The following NOS1AP variants were observed in gnomAD, a reference collection of about 807,000 sequenced individuals.
NOS1AP encodes the protein nitric oxide synthase 1 adaptor protein.
A neutral mutation model predicts 56.2 loss-of-function variants in NOS1AP; 21 were observed. The observed-to-expected ratio is 0.37, with a 90% confidence interval of 0.26 to 0.54. The LOEUF (loss-of-function observed/expected upper bound fraction) is 0.54, where lower values mean the gene tolerates loss of function less well. Ranked by LOEUF, NOS1AP falls within the 20% of genes least tolerant of loss-of-function variation. The pLI, the probability that NOS1AP is intolerant of heterozygous loss-of-function variation, is 0.84. For synonymous variants in NOS1AP, 270 were observed against 274.6 expected, an observed-to-expected ratio of 0.98 and a Z score of 0.17; for missense variants, 522 against 657.8, an observed-to-expected ratio of 0.79 and a Z score of 2.26.
intron 3 of NOS1AP, among the ~76,000 whole-genome samples, chr1:162,287,971 G>A (rs1440572238): frequency 6.6e-6 from 1 of 151,936 alleles, no homozygotes; most frequent in Admixed American, 6.6e-5. Context: ...GTGCAGGGAT[G>A]GTGGGGTGTG....
intron 2 of NOS1AP, among the ~76,000 whole-genome samples, chr1:162,183,204 G>A (rs1386918794): frequency 1.3e-5 from 2 of 152,192 alleles, no homozygotes; most frequent in Non-Finnish European, 2.9e-5. Flanking sequence ...GGGTAACCAG[G>A]TGCATTGTTA....
intron 2 of NOS1AP, among the ~76,000 whole-genome samples, chr1:162,155,225 CATAT>C (rs1210180504): frequency 8.9e-5 from 6 of 67,758 alleles, no homozygotes; most frequent in Admixed American, 2.3e-4. Flanking sequence ...AGCCTTTATA[CATAT>C]ATATATACAT....
chr1:162,330,094 C>G (rs1656716735), intron 4 of NOS1AP, among the ~76,000 whole-genome samples: 1 of 152,218 alleles, frequency 6.6e-6, no homozygotes, highest in Non-Finnish European at 1.5e-5. Flanking sequence ...TTCAAATCTG[C>G]TGTATCAGTT....
chr1:162,240,856 A>G (rs1653468826), intron 2 of NOS1AP, among the ~76,000 whole-genome samples: 1 of 152,250 alleles, frequency 6.6e-6, no homozygotes, highest in African/African-American at 2.4e-5. Flanking sequence ...CAGAGTTCAC[A>G]GTCTGATGGC....
chr1:162,239,756 G>A (rs1409120244), intron 2 of NOS1AP, among the ~76,000 whole-genome samples: 1 of 152,204 alleles, frequency 6.6e-6, no homozygotes, highest in Non-Finnish European at 1.5e-5. Flanking sequence ...GAGTGGGAGA[G>A]AACCCCAGTA....
intron 2 of NOS1AP, among the ~76,000 whole-genome samples, chr1:162,219,858 A>G (rs562215723): frequency 2.9e-4 from 44 of 152,366 alleles, no homozygotes; most frequent in Middle Eastern, 3.4e-3. Context: ...AGCAGCTTGT[A>G]TCTGCTTGTA....
chr1:162,344,017 T>G (rs1002854063), intron 6 of NOS1AP, 41 bp downstream of exon 6: 1 of 1,611,266 alleles, frequency 6.2e-7, no homozygotes, highest in Non-Finnish European at 8.5e-7. Flanking sequence ...GGGAAGGCAG[T>G]GCACACAGTA....
chr1:162,241,566 T>C (rs1653489030), intron 2 of NOS1AP, among the ~76,000 whole-genome samples: 1 of 152,130 alleles, frequency 6.6e-6, no homozygotes, highest in Non-Finnish European at 1.5e-5. Flanking sequence ...GTAGATACTA[T>C]TATTATCCTC....
At chr1:162,266,825 C>T (rs1411119474) in intron 2 of NOS1AP, among the ~76,000 whole-genome samples, 1 of 152,168 alleles carries the variant, frequency 6.6e-6, no homozygotes, top group East Asian at 1.9e-4. Context: ...GTGCTTTTCT[C>T]CCAAGGGGAT....
intron 2 of NOS1AP, among the ~76,000 whole-genome samples, chr1:162,169,515 C>T (rs972302058): frequency 9.9e-5 from 15 of 152,170 alleles, no homozygotes; most frequent in African/African-American, 3.4e-4. Flanking sequence ...GCTGGGCACT[C>T]AGACAGCTGC....
chr1:162,230,774 A>G lies in NOS1AP; in HGVS notation c.178-56570A>G, dbSNP rs1007533796. Among the ~76,000 whole-genome samples the G allele has an allele frequency of 4.6e-5, 7 of 152,266 alleles. No individual in the cohort carries two copies. The East Asian group carries it at 1.2e-3, about 25-fold the overall frequency. On this transcript the variant is annotated intron_variant, in intron 2 of 9. Coordinates refer to ENST00000361897, the MANE Select transcript of NOS1AP (RefSeq NM_014697.3). ...TGTTTTTTTGTAATGGGCTTATTTC[A>G]CTTAGCATAATGTCCTCAAGGTTCA...
chr1:162,090,508 T>G (rs1013296881), intron 1 of NOS1AP, among the ~76,000 whole-genome samples: 2 of 152,140 alleles, frequency 1.3e-5, no homozygotes, highest in Admixed American at 6.5e-5. Context: ...CAGACTACTG[T>G]TTTTAGAATT....
chr1:162,144,168 G>A (rs970302079), intron 1 of NOS1AP, among the ~76,000 whole-genome samples: 1 of 152,240 alleles, frequency 6.6e-6, no homozygotes, highest in South Asian at 2.1e-4. Context: ...CCATTTGGGT[G>A]TCCATACACA....
chr1:162,120,497 CAG>C (rs763280282), intron 1 of NOS1AP, among the ~76,000 whole-genome samples: 38 of 152,286 alleles, frequency 2.5e-4, no homozygotes, highest in Non-Finnish European at 3.8e-4. Context: ...TATAAAGAAA[CAG>C]AGGTTTAATG....
intron 3 of NOS1AP, among the ~76,000 whole-genome samples, chr1:162,296,241 C>T (rs141089622): frequency 3.9e-5 from 6 of 152,088 alleles, no homozygotes; most frequent in African/African-American, 9.7e-5. Flanking sequence ...GAGCCGAGAT[C>T]GCGCCACTGC....
At chr1:162,309,102 T>A (rs1050189931) in intron 4 of NOS1AP, among the ~76,000 whole-genome samples, 1 of 152,226 alleles carries the variant, frequency 6.6e-6, no homozygotes, top group African/African-American at 2.4e-5. Context: ...CAGGACAAAC[T>A]ACATTTTAAG....
intron 8 of NOS1AP, among the ~76,000 whole-genome samples, chr1:162,360,041 ACTAGT>A (rs1220273990): frequency 8.2e-6 from 1 of 121,452 alleles, no homozygotes; most frequent in Non-Finnish European, 1.7e-5. Context: ...CTTCCCACAG[ACTAGT>A]CTAGTTCTGC....
rs1405729635 is a variant in NOS1AP at position 162,368,638 on chromosome 1, C to G, written c.*1171C>G. 1 of 152,220 alleles carries G rather than the reference C, an allele frequency of 6.6e-6. No homozygotes were observed. The highest frequency in any genetic ancestry group is 6.5e-5 in the Admixed American group (1 of 15,280). 9.4% of individuals were successfully genotyped at this position (152,220 alleles called of 1,614,324 possible). ...AAAGTGCCATGTGCAATTGTCTTAT[C>G]TTTTATGATCTAGGCTTTGCCTAGG... On this transcript the variant is annotated 3_prime_UTR_variant, in exon 10 of 10. Coordinates refer to ENST00000361897, the MANE Select transcript of NOS1AP (RefSeq NM_014697.3).
At chr1:162,123,467 C>G (rs534487031) in intron 1 of NOS1AP, among the ~76,000 whole-genome samples, 1 of 152,284 alleles carries the variant, frequency 6.6e-6, no homozygotes, top group South Asian at 2.1e-4. Flanking sequence ...CCACTGTGCC[C>G]CAGAGATGCC....
Sources: allele counts gnomAD v4.1 joint callset (sites outside exome capture counted in the v4.1 genomes callset), GRCh38; gene constraint gnomAD v4.1.1; transcripts MANE v1.5; gene names NCBI Gene and HGNC (gene_info 2026-07-23, HGNC 2026-07-21).